DOCK9: variants seen among roughly 807,000 people sequenced by gnomAD.
DOCK9 encodes the protein dedicator of cytokinesis 9, also known as dedicator of cytokinesis protein 9.
A neutral mutation model predicts 263.3 loss-of-function variants in DOCK9; 89 were observed. The ratio of observed to expected loss-of-function variants is 0.34; its 90% CI spans 0.28 to 0.40. The LOEUF (loss-of-function observed/expected upper bound fraction) is 0.40, where lower values mean the gene tolerates loss of function less well. DOCK9 is among the 10% of genes least tolerant of loss of function. The probability of loss-of-function intolerance (pLI) is 1.00; values close to 1 mark genes in which losing one functional copy is unlikely to be tolerated. For synonymous variants in DOCK9, 976 were observed against 973.1 expected, an observed-to-expected ratio of 1.00 and a Z score of -0.06; for missense variants, 2,140 against 2,603.4, an observed-to-expected ratio of 0.82 and a Z score of 3.87.
chr13:98,809,278 GTTTTT>G (rs67121295), intron 47 of DOCK9, 69 bp downstream of exon 47: 524,137 of 1,272,606 alleles, frequency 0.41, 108,710 homozygotes, highest in East Asian at 0.62. Flanking sequence ...CTTTATTATA[GTTTTT>G]TTTTTGTTTT....
At chr13:98,906,678 T>C (rs534658537) in intron 9 of DOCK9, among the ~76,000 whole-genome samples, 113 of 152,334 alleles carry the variant, frequency 7.4e-4, no homozygotes, top group Non-Finnish European at 1.2e-3. Flanking sequence ...TTTCTAATCA[T>C]GGATAACGAG....
chr13:98,844,699 C>T (rs1243587881), intron 38 of DOCK9, among the ~76,000 whole-genome samples: 4 of 152,208 alleles, frequency 2.6e-5, no homozygotes, highest in Non-Finnish European at 4.4e-5. Flanking sequence ...AACACTTAAA[C>T]TGCACCCGGA....
At chr13:99,024,841 T>TA (rs1429338924) in intron 1 of DOCK9, among the ~76,000 whole-genome samples, 4 of 151,976 alleles carry the variant, frequency 2.6e-5, no homozygotes, top group Non-Finnish European at 4.4e-5. Flanking sequence ...CTATTTTTTT[T>TA]AAAAGCAGTG....
intron 30 of DOCK9, among the ~76,000 whole-genome samples, chr13:98,864,908 C>G (rs781215319): frequency 3.4e-4 from 51 of 152,104 alleles, no homozygotes; most frequent in Admixed American, 7.2e-4. Flanking sequence ...CCTCACTCCT[C>G]GTCTCTTGCT....
chr13:99,031,203 G>A (rs9517559), intron 1 of DOCK9, among the ~76,000 whole-genome samples: 1 of 151,954 alleles, frequency 6.6e-6, no homozygotes, highest in South Asian at 2.1e-4. Context: ...CAATAGAATC[G>A]CAATTTGTAA....
At chr13:99,009,592 G>C (rs755453590) in intron 1 of DOCK9, among the ~76,000 whole-genome samples, 7 of 152,000 alleles carry the variant, frequency 4.6e-5, no homozygotes, top group Non-Finnish European at 1.0e-4. Flanking sequence ...CCAGCTAACA[G>C]GTATTATTAT....
At chr13:99,014,409 G>C (rs1053859795) in intron 1 of DOCK9, among the ~76,000 whole-genome samples, 17 of 152,322 alleles carry the variant, frequency 1.1e-4, no homozygotes, top group African/African-American at 4.1e-4. Context: ...CTTGCAAAAT[G>C]CATCTGATGC....
Position 99,008,210 on chromosome 13 carries a change from C to CTA in DOCK9, c.130-52660_130-52659insTA, listed in dbSNP as rs1394085625. 1.0e-2 allele frequency among the ~76,000 whole-genome samples: 724 copies of CTA among 72,468 alleles called. 6 individuals are homozygous for CTA. Among genetic ancestry groups the CTA allele is most frequent in the Admixed American group, 0.014 (98 of 7,134 alleles). The allele number at this position is 72,468 out of a possible 152,430, so 47.5% of individuals were successfully genotyped here. A position where few individuals can be genotyped will look rare whatever the true frequency, so the allele number is the denominator to read the frequency against. On this transcript the variant is annotated intron_variant, in intron 1 of 32. Coordinates refer to the DOCK9 transcript ENST00000427887. ...CCTCTCTCTCTCTCTCTCTCTCTCT[C>CTA]TCTATATATATATATATATATATAT...
At chr13:98,809,904 G>A (rs2091141588) in intron 46 of DOCK9, among the ~76,000 whole-genome samples, 1 of 152,132 alleles carries the variant, frequency 6.6e-6, no homozygotes. Context: ...CTCTGTTCAT[G>A]GCAGCCTTTC....
intron 4 of DOCK9, among the ~76,000 whole-genome samples, chr13:98,924,201 T>C (rs2052548347): frequency 6.6e-6 from 1 of 152,106 alleles, no homozygotes; most frequent in Non-Finnish European, 1.5e-5. Context: ...GGGCTACCCA[T>C]CTGGAGAAGA....
chr13:98,850,853 A>G (rs1333123371), intron 35 of DOCK9, among the ~76,000 whole-genome samples: 19 of 152,202 alleles, frequency 1.2e-4, no homozygotes, highest in African/African-American at 4.8e-5. Flanking sequence ...TTTGAGTTCT[A>G]TCATCTAATA....
chr13:99,023,471 T>G (rs536441993), intron 1 of DOCK9, among the ~76,000 whole-genome samples: 1 of 152,348 alleles, frequency 6.6e-6, no homozygotes, highest in African/African-American at 2.4e-5. Flanking sequence ...TGCCAGGTGC[T>G]GGGAGAAGGC....
intron 1 of DOCK9, among the ~76,000 whole-genome samples, chr13:99,044,784 A>G (rs2142155029): frequency 6.6e-6 from 1 of 152,346 alleles, no homozygotes; most frequent in African/African-American, 2.4e-5. Flanking sequence ...TTAAAGCCGT[A>G]AGTAAAAGAA....
rs2139689173 is a variant in DOCK9, at chr13:98,794,384, C to T, written c.*242G>A. 5.6e-6 allele frequency: 3 copies of T among 533,682 alleles called. No homozygotes were observed. The East Asian group carries it at 9.5e-5, about 17-fold the overall frequency. 33.1% of individuals were successfully genotyped at this position (533,682 alleles called of 1,614,324 possible). ...TCTAAGTCCAGCTCAAGAGTGTCTA[C>T]CACACCTTTGTTAAGACACAATGAA... On this transcript the variant is annotated 3_prime_UTR_variant, in exon 53 of 53. Transcript: ENST00000682017.
At chr13:98,814,634 A>AAC (rs1462495919) in intron 45 of DOCK9, among the ~76,000 whole-genome samples, 1 of 151,952 alleles carries the variant, frequency 6.6e-6, no homozygotes, top group Admixed American at 6.6e-5. Flanking sequence ...CCAAACTCCT[A>AAC]ACCTCAAGTG....
At chr13:98,883,257 G>GTT (rs1057256727) in intron 22 of DOCK9, 126 bp from the exon 23 acceptor site, 2 of 888,362 alleles carry the variant, frequency 2.3e-6, no homozygotes, top group South Asian at 1.8e-5. Flanking sequence ...TGTTGTTGCT[G>GTT]TTTTTTTTGA....
chr13:98,900,226 G>A (rs559538549), intron 13 of DOCK9, among the ~76,000 whole-genome samples: 25 of 152,332 alleles, frequency 1.6e-4, no homozygotes, highest in African/African-American at 5.5e-4. Flanking sequence ...GGAGTGTGCA[G>A]AGGTAAGTTT....
chr13:98,956,350 C>T (rs1327359135), intron 1 of DOCK9, among the ~76,000 whole-genome samples: 3 of 152,166 alleles, frequency 2.0e-5, no homozygotes, highest in African/African-American at 2.4e-5. Flanking sequence ...TTTCCACATG[C>T]GAGGCATTGA....
Position 98,846,701 on chromosome 13 carries a change from G to A in DOCK9, c.4062-641C>T, listed in dbSNP as rs140542137. The A allele has an allele frequency of 4.0e-3, 1,922 of 477,488 alleles. 8 individuals carry two copies. Among genetic ancestry groups the A allele is most frequent in the Non-Finnish European group, 6.2e-3 (1,591 of 255,596 alleles). The allele number at this position is 477,488 out of a possible 1,614,324, so 29.6% of individuals were successfully genotyped here. A position where few individuals can be genotyped will look rare whatever the true frequency, so the allele number is the denominator to read the frequency against. ...CCTGTCCCCTGTCCCGGAGCCAACC[G>A]TCCCCCTCACTGTGTTATTGTGTGT... On this transcript the variant is annotated intron_variant, in intron 37 of 52. Transcript: ENST00000682017.
Sources: gnomAD v4.1 joint callset for allele counts (sites outside exome capture counted in the v4.1 genomes callset) on GRCh38, gnomAD v4.1.1 for gene constraint, MANE v1.5 for transcripts, NCBI Gene and HGNC (gene_info 2026-07-23, HGNC 2026-07-21) for gene names.